HIBADH: variants seen among roughly 807,000 people sequenced by gnomAD.
The protein encoded by HIBADH is 3-hydroxyisobutyrate dehydrogenase.
A neutral mutation model predicts 36.1 loss-of-function variants in HIBADH; 25 were observed. That is an observed-to-expected ratio of 0.69 (90% CI 0.50 to 0.97). HIBADH has a LOEUF of 0.97. Ranked by LOEUF, HIBADH falls within the 50% of genes least tolerant of loss-of-function variation. The pLI is 0.00. For synonymous variants in HIBADH, 160 were observed against 149.5 expected (o/e 1.07, Z -0.51); for missense variants, 421 against 418.0 (o/e 1.01, Z -0.06).
intron 4 of HIBADH, among the ~76,000 whole-genome samples, chr7:27,575,288 C>A (rs1166322554): frequency 2.0e-5 from 3 of 152,138 alleles, no homozygotes; most frequent in Non-Finnish European, 1.5e-5. Context: ...GGGAGGGTGA[C>A]TTTTACCTAA....
intron 4 of HIBADH, among the ~76,000 whole-genome samples, chr7:27,577,530 TTA>T (rs1234002537): frequency 3.3e-5 from 5 of 152,186 alleles, no homozygotes; most frequent in African/African-American, 9.7e-5. Flanking sequence ...TAATAATAAT[TTA>T]TGTTAAATTT....
chr7:27,552,872 T>C (rs1323999723), intron 4 of HIBADH, among the ~76,000 whole-genome samples: 3 of 152,238 alleles, frequency 2.0e-5, no homozygotes, highest in Admixed American at 2.0e-4. Flanking sequence ...TTCCTCTGAA[T>C]TGATAAATAG....
chr7:27,562,083 C>T lies in HIBADH; in HGVS notation c.485-18983G>A, dbSNP rs1371469721. 3.3e-5 allele frequency among the ~76,000 whole-genome samples: 5 copies of T among 152,018 alleles called. No individual in the cohort carries two copies. In the South Asian group the frequency reaches 8.3e-4, roughly 25 times the overall value. ...ATAAAAATCTGTCTTTAATTGGGTA[C>T]ATTTAATCCATTTTTTCCTACTATT... On this transcript the variant is annotated intron_variant, in intron 4 of 7. Coordinates refer to ENST00000265395, the MANE Select transcript of HIBADH (RefSeq NM_152740.4).
intron 4 of HIBADH, among the ~76,000 whole-genome samples, chr7:27,565,855 T>G (rs900959778): frequency 1.3e-5 from 2 of 152,132 alleles, no homozygotes; most frequent in African/African-American, 4.8e-5. Context: ...TTATCATGAA[T>G]GGATGTTGAA....
intron 4 of HIBADH, among the ~76,000 whole-genome samples, chr7:27,563,777 T>C (rs557966867): frequency 8.5e-4 from 129 of 152,336 alleles, no homozygotes; most frequent in African/African-American, 3.0e-3. Flanking sequence ...TTTTGAGAAA[T>C]GTTTATACAT....
At chr7:27,566,125 T>G (rs181888474) in intron 4 of HIBADH, among the ~76,000 whole-genome samples, 1 of 152,210 alleles carries the variant, frequency 6.6e-6, no homozygotes, top group East Asian at 1.9e-4. Flanking sequence ...TCTGTACTAG[T>G]CTTATAGTTT....
chr7:27,597,595 G>A (rs1268995766), intron 4 of HIBADH, among the ~76,000 whole-genome samples: 3 of 152,074 alleles, frequency 2.0e-5, no homozygotes, highest in Admixed American at 2.0e-4. Flanking sequence ...TATCTCAGAT[G>A]CCATAATCAT....
chr7:27,652,386 G>A (rs190333460), intron 1 of HIBADH, among the ~76,000 whole-genome samples: 65 of 150,006 alleles, frequency 4.3e-4, no homozygotes, highest in Middle Eastern at 3.4e-3. Context: ...GCAAGAGGTA[G>A]TTATTGAAAC....
chr7:27,646,689 A>AC (rs1786078286), intron 2 of HIBADH, among the ~76,000 whole-genome samples: 1 of 74,866 alleles, frequency 1.3e-5, no homozygotes, highest in Non-Finnish European at 2.3e-5. Flanking sequence ...CACGCCCAGC[A>AC]TTTTTTTTTT....
intron 4 of HIBADH, among the ~76,000 whole-genome samples, chr7:27,628,722 T>G (rs1438109556): frequency 6.6e-6 from 1 of 152,120 alleles, no homozygotes; most frequent in Admixed American, 6.6e-5. Flanking sequence ...TTGGTTATAG[T>G]GTTTAATCTC....
chr7:27,606,133 A>G (rs1785223435), intron 4 of HIBADH, among the ~76,000 whole-genome samples: 1 of 152,350 alleles, frequency 6.6e-6, no homozygotes, highest in African/African-American at 2.4e-5. Flanking sequence ...AAATTATACC[A>G]AAGATTTACT....
chr7:27,546,502 A>G (rs1784237137), intron 4 of HIBADH, among the ~76,000 whole-genome samples: 1 of 152,100 alleles, frequency 6.6e-6, no homozygotes, highest in Non-Finnish European at 1.5e-5. Flanking sequence ...TACTTAAGCC[A>G]TTGTCTTCTC....
chr7:27,617,348 A>G (rs1785448785), intron 4 of HIBADH, among the ~76,000 whole-genome samples: 2 of 152,228 alleles, frequency 1.3e-5, no homozygotes, highest in African/African-American at 4.8e-5. Flanking sequence ...AGTACACTCT[A>G]TGATGTTAGA....
At chr7:27,540,219 T>G (rs1784128379) in intron 5 of HIBADH, among the ~76,000 whole-genome samples, 1 of 152,214 alleles carries the variant, frequency 6.6e-6, no homozygotes, top group Non-Finnish European at 1.5e-5. Flanking sequence ...GTAAAAGAAG[T>G]TGAAAGGAGT....
intron 4 of HIBADH, among the ~76,000 whole-genome samples, chr7:27,568,864 C>CT (rs1384302057): frequency 6.7e-6 from 1 of 148,960 alleles, no homozygotes; most frequent in Non-Finnish European, 1.5e-5. Context: ...TCTTAAACCT[C>CT]TAAGTTTGTC....
intron 4 of HIBADH, among the ~76,000 whole-genome samples, chr7:27,603,270 G>T (rs1400287940): frequency 6.6e-6 from 1 of 152,096 alleles, no homozygotes; most frequent in African/African-American, 2.4e-5. Flanking sequence ...TGATGATGCT[G>T]CTGCATTTTA....
chr7:27,575,079 C>T lies in HIBADH; in HGVS notation c.485-31979G>A, dbSNP rs115379830. On this transcript the variant is annotated intron_variant, in intron 4 of 7. Transcript: ENST00000265395. ...CATGACCTTCCCTAATATTACAAAC[C>T]TTAGCATTATAAAATTATTTTACTT... is the stretch of plus-strand genomic sequence containing the variant. 7.5e-3 allele frequency among the ~76,000 whole-genome samples: 1,137 copies of T among 152,210 alleles called. 17 individuals are homozygous for T. The highest frequency in any genetic ancestry group is 0.026 in the African/African-American group (1,077 of 41,534).
At chr7:27,529,688 TATTACACAAACTTAGTTGATAAAGTAG>T (rs1378758662) in intron 7 of HIBADH, among the ~76,000 whole-genome samples, 1 of 152,244 alleles carries the variant, frequency 6.6e-6, no homozygotes, top group Non-Finnish European at 1.5e-5. Flanking sequence ...GGATTTAGAA[TATTACACAAACTTAGTTGATAAAGTAG>T]CATCAGGGTT....
chr7:27,532,841 A>G (rs371955036), intron 6 of HIBADH, among the ~76,000 whole-genome samples: 22 of 152,306 alleles, frequency 1.4e-4, no homozygotes, highest in African/African-American at 5.3e-4. Context: ...CTCCTTTTAA[A>G]TAAGATTAGG....
Sources: gnomAD v4.1 joint callset for allele counts (sites outside exome capture counted in the v4.1 genomes callset) on GRCh38, gnomAD v4.1.1 for gene constraint, MANE v1.5 for transcripts, NCBI Gene and HGNC (gene_info 2026-07-23, HGNC 2026-07-21) for gene names.